Variants in GPR89A observed in about 807,000 individuals in gnomAD.
GPR89A encodes the protein G protein-coupled receptor 89A.
Under a neutral mutation model 52.0 loss-of-function variants are expected in GPR89A, and 16 were observed. That is an observed-to-expected ratio of 0.31 (90% CI 0.21 to 0.47). The LOEUF (loss-of-function observed/expected upper bound fraction) is 0.47. GPR89A is among the 20% of genes least tolerant of loss of function. GPR89A has a pLI of 1.00. For missense variants in GPR89A, 135 were observed against 449.4 expected (o/e 0.30, Z 6.33); for synonymous variants, 55 against 150.9 (o/e 0.36, Z 4.66).
intron 3 of GPR89A, among the ~76,000 whole-genome samples, chr1:145,619,425 C>G (rs1648955749): frequency 6.7e-6 from 1 of 150,152 alleles, no homozygotes. Context: ...GCCTGGGCAA[C>G]AAAGTGAGAC....
At chr1:145,660,063 C>T (rs1183199021) in intron 10 of GPR89A, among the ~76,000 whole-genome samples, 1 of 151,898 alleles carries the variant, frequency 6.6e-6, no homozygotes, top group Non-Finnish European at 1.5e-5. Context: ...CATGATTTGT[C>T]TCTCTGTTTG....
intron 10 of GPR89A, among the ~76,000 whole-genome samples, chr1:145,662,438 T>C (rs1186921424): frequency 1.3e-5 from 2 of 152,056 alleles, no homozygotes; most frequent in Admixed American, 6.6e-5. Context: ...TAGCATAATA[T>C]ATTTTTCTGT....
intron 1 of GPR89A, among the ~76,000 whole-genome samples, chr1:145,615,447 G>T (rs1225089540): frequency 1.3e-5 from 2 of 151,646 alleles, no homozygotes; most frequent in Non-Finnish European, 2.9e-5. Flanking sequence ...AGGCTCAGGT[G>T]ATCTTCCCAC....
At chr1:145,669,574 A>T (rs1553697088) in intron 12 of GPR89A, 51 bp from the exon 13 acceptor site, 17 of 1,604,018 alleles carry the variant, frequency 1.1e-5, no homozygotes, top group Non-Finnish European at 1.2e-5. Context: ...ACTGTTCGTG[A>T]CACAGGAATC....
chr1:145,619,316 AG>A lies in GPR89A; in HGVS notation c.206+894del, dbSNP rs1185787923. On this transcript the variant is annotated intron_variant, in intron 3 of 13. Transcript: ENST00000313835. ...ACATTGAAAGGTTAAAAAAAAAAAA[AG>A]AAGAGAGAGGGGCCAGACATAGTGG... 3.4e-3 allele frequency among the ~76,000 whole-genome samples: 34 copies of A among 9,932 alleles called. No individual in the cohort carries two copies. The Non-Finnish European group carries it at 0.082, about 24-fold the overall frequency. 6.5% of individuals were successfully genotyped at this position (9,932 alleles called of 152,430 possible). A position where few individuals can be genotyped will look rare whatever the true frequency, so the allele number is the denominator to read the frequency against.
chr1:145,660,704 A>C (rs1252429317), intron 10 of GPR89A, among the ~76,000 whole-genome samples: 2 of 151,762 alleles, frequency 1.3e-5, no homozygotes, highest in Non-Finnish European at 2.9e-5. Context: ...CACAAGAAAA[A>C]ATGCTCACCA....
intron 7 of GPR89A, among the ~76,000 whole-genome samples, chr1:145,636,914 G>T (rs1170552593): frequency 2.0e-5 from 3 of 152,154 alleles, no homozygotes; most frequent in African/African-American, 7.2e-5. Context: ...GTTTAAATCA[G>T]CTGAGTAACT....
chr1:145,625,663 T>C (rs1221491449), intron 5 of GPR89A, among the ~76,000 whole-genome samples: 2 of 146,762 alleles, frequency 1.4e-5, no homozygotes, highest in African/African-American at 5.3e-5. Context: ...AGCTGTTCTA[T>C]CAGCCTGGAC....
chr1:145,650,895 C>A (rs587712201), intron 10 of GPR89A, among the ~76,000 whole-genome samples: 1 of 152,000 alleles, frequency 6.6e-6, no homozygotes, highest in Non-Finnish European at 1.5e-5. Context: ...GGATATTAGG[C>A]CTTTGTCAGA....
At chr1:145,661,539 G>A (rs1652202890) in intron 10 of GPR89A, among the ~76,000 whole-genome samples, 1 of 139,582 alleles carries the variant, frequency 7.2e-6, no homozygotes, top group Admixed American at 7.3e-5. Flanking sequence ...CTTAATATTG[G>A]TAACTTGTGA....
chr1:145,627,511 T>C (rs1649590829), intron 5 of GPR89A, among the ~76,000 whole-genome samples: 1 of 152,082 alleles, frequency 6.6e-6, no homozygotes, highest in Admixed American at 6.5e-5. Flanking sequence ...GCAAGTAGAA[T>C]AACAGAATTT....
chr1:145,663,354 G>T lies in GPR89A; in HGVS notation c.935G>T (p.Arg312Leu), dbSNP rs782203291. The change falls in exon 11 of 14, where the codon CGA (arginine) becomes CTA (leucine). Residue 312 changes from arginine to leucine, a missense_variant. Around this residue, in one of 10 missense-constraint regions of GPR89A, gnomAD observed 28 missense variants for 61.6 expected, o/e 0.45. Transcript: ENST00000313835. ...GCTACCATCAATATTGTTTTTGATC[G>T]AGTTGGGAAAACGGATCCTGTCACA... ...FMATINIVFD[R>L]VGKTDPVTRG... The T allele has an allele frequency of 6.2e-7, 1 of 1,610,482 alleles. No individual in the cohort carries two copies. The highest frequency in any genetic ancestry group is 1.1e-5 in the South Asian group (1 of 90,894).
chr1:145,647,846 TCCTC>T (rs1559041977), intron 10 of GPR89A, among the ~76,000 whole-genome samples: 342 of 16,818 alleles, frequency 0.02, 15 homozygotes, highest in East Asian at 0.062. Context: ...CTCTCTCTCC[TCCTC>T]CTCTCTCTCT....
intron 12 of GPR89A, among the ~76,000 whole-genome samples, chr1:145,667,395 T>C (rs1553696664): frequency 6.6e-6 from 1 of 152,206 alleles, no homozygotes; most frequent in African/African-American, 2.4e-5. Flanking sequence ...TCTGTTCATA[T>C]CCTTTGCCCA....
chr1:145,650,127 C>G (rs587710440), intron 10 of GPR89A, among the ~76,000 whole-genome samples: 5 of 152,172 alleles, frequency 3.3e-5, no homozygotes, highest in African/African-American at 1.2e-4. Flanking sequence ...TTCCCTGATG[C>G]TCTCCCTCCC....
At chr1:145,609,375 TC>T (rs1648090162) in intron 1 of GPR89A, among the ~76,000 whole-genome samples, 2 of 152,240 alleles carry the variant, frequency 1.3e-5, no homozygotes, top group Non-Finnish European at 2.9e-5. Context: ...ATCCTACCAC[TC>T]TAATGCAATA....
rs2262351 is a variant in GPR89A, at chr1:145,632,680, A to G, written c.617+936A>G. 3.7e-4 allele frequency among the ~76,000 whole-genome samples: 56 copies of G among 152,336 alleles called. 1 individual carries two copies. The highest frequency in any genetic ancestry group is 3.7e-4 in the Non-Finnish European group (25 of 68,028). On this transcript the variant is annotated intron_variant, in intron 7 of 13. Coordinates refer to ENST00000313835, the MANE Select transcript of GPR89A (RefSeq NM_001097612.2). ...TATAGATTGATACCATAACTTGGCT[A>G]TTGTAAATAATACTGCAGTGAACAT...
chr1:145,665,413 C>G (rs1652487977), intron 11 of GPR89A, 149 bp from the exon 12 acceptor site: 1 of 894,224 alleles, frequency 1.1e-6, no homozygotes, highest in African/African-American at 1.7e-5. Flanking sequence ...TTGCCACCTA[C>G]TTGCTTTCCT....
rs180823862 is a variant in GPR89A at position 145,639,006 on chromosome 1, G to A, written c.618-4863G>A. ...AATTGTCTTTCTATAAGCTAGCAAC[G>A]GACATATGAACATCAAATGTTTAAA... is the stretch of plus-strand genomic sequence containing the variant. On this transcript the variant is annotated intron_variant, in intron 7 of 13. Transcript: ENST00000313835. Among the ~76,000 whole-genome samples the A allele has an allele frequency of 6.0e-3, 902 of 149,600 alleles. 17 individuals are homozygous for A. The highest frequency in any genetic ancestry group is 0.022 in the African/African-American group (875 of 39,372).
Sources: gnomAD v4.1 joint callset for allele counts (sites outside exome capture counted in the v4.1 genomes callset) on GRCh38, gnomAD v4.1.1 for gene constraint, gnomAD v4.1.1 regional missense constraint, MANE v1.5 for transcripts, NCBI Gene and HGNC (gene_info 2026-07-23, HGNC 2026-07-21) for gene names.